Variants in SPIRE1 observed in about 807,000 individuals in gnomAD.
The protein encoded by SPIRE1 is protein spire homolog 1.
A neutral mutation model predicts 94.1 loss-of-function variants in SPIRE1; 40 were observed. The observed-to-expected ratio is 0.43, with a 90% confidence interval of 0.33 to 0.55. SPIRE1 has a LOEUF of 0.55. SPIRE1 is among the 20% of genes least tolerant of loss of function. SPIRE1 has a pLI of 0.06. For synonymous variants in SPIRE1, 376 were observed against 371.7 expected (o/e 1.01, Z -0.13); for missense variants, 838 against 975.2 (o/e 0.86, Z 1.87).
intron 2 of SPIRE1, among the ~76,000 whole-genome samples, chr18:12,603,178 T>C (rs1387014204): frequency 6.6e-6 from 1 of 152,210 alleles, no homozygotes; most frequent in East Asian, 1.9e-4. Context: ...TGAATACAAC[T>C]GAATAACTGA....
intron 2 of SPIRE1, among the ~76,000 whole-genome samples, chr18:12,622,243 T>C (rs9949515): frequency 5.5e-4 from 83 of 152,260 alleles, no homozygotes; most frequent in African/African-American, 1.8e-3. Flanking sequence ...TTAAATGATG[T>C]ATAAACTGAT....
At chr18:12,482,253 C>G (rs2032869950) in intron 9 of SPIRE1, among the ~76,000 whole-genome samples, 1 of 152,166 alleles carries the variant, frequency 6.6e-6, no homozygotes, top group Non-Finnish European at 1.5e-5. Context: ...AGCGATTCTC[C>G]TGCCTCAGCC....
At chr18:12,563,752 G>A (rs1454566554) in intron 2 of SPIRE1, among the ~76,000 whole-genome samples, 3 of 151,826 alleles carry the variant, frequency 2.0e-5, no homozygotes, top group Non-Finnish European at 4.4e-5. Context: ...AATAGAACAA[G>A]ATACCGAAAA....
intron 4 of SPIRE1, among the ~76,000 whole-genome samples, chr18:12,514,392 A>T (rs1181770478): frequency 6.6e-6 from 1 of 152,166 alleles, no homozygotes; most frequent in Non-Finnish European, 1.5e-5. Context: ...TACAGAATGT[A>T]CTTATTTCAT....
upstream of SPIRE1, among the ~76,000 whole-genome samples, chr18:12,660,954 CT>C (rs774160073): frequency 2.0e-5 from 3 of 152,274 alleles, no homozygotes; most frequent in Admixed American, 1.3e-4. Flanking sequence ...ACACTTGACT[CT>C]TTTTTGTATA....
Position 12,524,271 on chromosome 18 carries a change from A to G in SPIRE1, c.729+11205T>C, listed in dbSNP as rs544117873. Reference sequence around the variant, plus strand: ...TGTCTGGTCAAATATTAGCAGCTAAAGATAAACTGGCTCTAATCTGGGCAT... The same window carrying G: ...TGTCTGGTCAAATATTAGCAGCTAAGGATAAACTGGCTCTAATCTGGGCAT... On this transcript the variant is annotated intron_variant, in intron 4 of 16. Coordinates refer to ENST00000409402, the MANE Select transcript of SPIRE1 (RefSeq NM_001128626.2). Among the ~76,000 whole-genome samples, 3 of 152,348 alleles carry G rather than the reference A, an allele frequency of 2.0e-5. No individual in the cohort carries two copies. In the South Asian group the frequency reaches 6.2e-4, roughly 32 times the overall value.
chr18:12,450,828 AG>A, intron 16 of SPIRE1: 1 of 735,760 alleles, frequency 1.4e-6, no homozygotes. Context: ...AAGCTGGGTG[AG>A]ATGCGGAATA....
rs1426924120 is a variant in SPIRE1, at chr18:12,481,746, A to C, written c.1232-1875T>G. Among the ~76,000 whole-genome samples the C allele has an allele frequency of 2.0e-5, 3 of 152,226 alleles. No individual in the cohort carries two copies. In the East Asian group the frequency reaches 5.8e-4, roughly 29 times the overall value. On this transcript the variant is annotated intron_variant, in intron 9 of 16. Transcript: ENST00000409402. ...GCACTGAAAGGGACAAAAGGCAAAA[A>C]GCAGCAAGTTTTTATACAAATTATA...
chr18:12,530,644 C>T (rs1471635082), intron 4 of SPIRE1, among the ~76,000 whole-genome samples: 4 of 152,042 alleles, frequency 2.6e-5, no homozygotes, highest in Non-Finnish European at 4.4e-5. Context: ...GATGAGTAAA[C>T]AGAAGTCTTG....
intron 9 of SPIRE1, among the ~76,000 whole-genome samples, chr18:12,485,102 T>C (rs980354351): frequency 2.2e-5 from 3 of 135,204 alleles, no homozygotes; most frequent in Non-Finnish European, 4.7e-5. Flanking sequence ...TGTATTTTTA[T>C]ACTCTTTTTT....
At chr18:12,625,363 A>C (rs1029189160) in intron 2 of SPIRE1, among the ~76,000 whole-genome samples, 5 of 152,206 alleles carry the variant, frequency 3.3e-5, no homozygotes, top group Non-Finnish European at 5.9e-5. Context: ...CATTCCTCTT[A>C]GCCTGCTGAC....
intron 12 of SPIRE1, among the ~76,000 whole-genome samples, chr18:12,458,893 T>C (rs897543329): frequency 6.6e-6 from 1 of 152,174 alleles, no homozygotes; most frequent in African/African-American, 2.4e-5. Context: ...TTATTTACAT[T>C]GAGTCTCCTT....
rs2030939950 is a variant in SPIRE1, at chr18:12,446,513, C to G, written c.*3125G>C. 1 of 152,186 alleles carries G rather than the reference C, an allele frequency of 6.6e-6. No individual in the cohort carries two copies. Among genetic ancestry groups the G allele is most frequent in the South Asian group, 2.1e-4 (1 of 4,828 alleles). 9.4% of individuals were successfully genotyped at this position (152,186 alleles called of 1,614,324 possible). ...ACGATAGCAACTCAACACAGAAAGT[C>G]TGATGGAAAGCCATTTTATTTTTCT... On this transcript the variant is annotated 3_prime_UTR_variant, in exon 17 of 17. Transcript: ENST00000409402.
intron 6 of SPIRE1, among the ~76,000 whole-genome samples, chr18:12,497,380 G>A (rs1378370756): frequency 1.3e-5 from 2 of 151,994 alleles, no homozygotes; most frequent in East Asian, 3.8e-4. Context: ...CACTTAGAAG[G>A]CACAGTCATG....
chr18:12,493,150 C>G lies in SPIRE1; in HGVS notation c.1111G>C (p.Glu371Gln). ...GCTTTAATTTCTTCTAATATTCTTTCATGGAGGCTCCGTGGCCGTGGTGGA... is the reference window on the plus strand; with the variant it reads ...GCTTTAATTTCTTCTAATATTCTTTGATGGAGGCTCCGTGGCCGTGGTGGA... ...PTPPRPRSLH[E>Q]RILEEIKAER... Residue 371 changes from glutamate to glutamine, a missense_variant, in exon 8 of 17, where the codon GAA becomes CAA. This residue lies in a region of SPIRE1 where 645 missense variants were observed against 804.7 expected (regional missense o/e 0.80). Coordinates refer to ENST00000409402, the MANE Select transcript of SPIRE1 (RefSeq NM_001128626.2). 6.2e-7 allele frequency: 1 copy of G among 1,613,826 alleles called. No individual in the cohort carries two copies. Among genetic ancestry groups the G allele is most frequent in the Non-Finnish European group, 8.5e-7 (1 of 1,179,960 alleles).
chr18:12,608,596 G>A (rs1011412997), intron 2 of SPIRE1, among the ~76,000 whole-genome samples: 1 of 152,132 alleles, frequency 6.6e-6, no homozygotes, highest in Admixed American at 6.6e-5. Flanking sequence ...TTAGATGTGT[G>A]ATATGTGTTA....
At chr18:12,630,097 A>G (rs546006158) in intron 2 of SPIRE1, among the ~76,000 whole-genome samples, 2 of 152,244 alleles carry the variant, frequency 1.3e-5, no homozygotes, top group Non-Finnish European at 2.9e-5. Flanking sequence ...AATTAAAACT[A>G]CAAAATAATT....
At chr18:12,520,260 T>C (rs111803534) in intron 4 of SPIRE1, among the ~76,000 whole-genome samples, 1 of 152,202 alleles carries the variant, frequency 6.6e-6, no homozygotes. Context: ...ATAATATTTG[T>C]TGCCCATATA....
At chr18:12,551,609 G>A (rs928564333) in intron 2 of SPIRE1, among the ~76,000 whole-genome samples, 3 of 152,066 alleles carry the variant, frequency 2.0e-5, no homozygotes, top group Non-Finnish European at 4.4e-5. Flanking sequence ...GGAGGCTGAG[G>A]CGGGAGAATG....
Sources: gnomAD v4.1 joint callset for allele counts (sites outside exome capture counted in the v4.1 genomes callset) on GRCh38, gnomAD v4.1.1 for gene constraint, gnomAD v4.1.1 regional missense constraint, MANE v1.5 for transcripts, NCBI Gene and HGNC (gene_info 2026-07-23, HGNC 2026-07-21) for gene names.